Variants in CCSER1 observed in about 807,000 individuals in gnomAD.
CCSER1 encodes serine-rich coiled-coil domain-containing protein 1.
A neutral mutation model predicts 82.0 loss-of-function variants in CCSER1; 41 were observed. That is an observed-to-expected ratio of 0.50 (90% CI 0.39 to 0.65). CCSER1 has a LOEUF of 0.65. Ranked by LOEUF, CCSER1 falls within the 30% of genes least tolerant of loss-of-function variation. The probability of loss-of-function intolerance (pLI) is 0.00; values close to 1 mark genes in which losing one functional copy is unlikely to be tolerated. For missense variants in CCSER1, 1,119 were observed against 1,064.2 expected (o/e 1.05, Z -0.72); for synonymous variants, 414 against 383.9 (o/e 1.08, Z -0.92).
intron 10 of CCSER1, among the ~76,000 whole-genome samples, chr4:91,171,129 A>G (rs1023069330): frequency 6.6e-6 from 1 of 152,224 alleles, no homozygotes; most frequent in Non-Finnish European, 1.5e-5. Context: ...AGTAATCAGT[A>G]TAATAACATT....
intron 9 of CCSER1, among the ~76,000 whole-genome samples, chr4:91,039,730 AT>A (rs1554059955): frequency 6.6e-6 from 1 of 151,796 alleles, no homozygotes; most frequent in East Asian, 1.9e-4. Flanking sequence ...TCTGTAAAAA[AT>A]TTTTTAATGT....
At chr4:90,391,504 A>ATATATATAT (rs1751126399) in intron 3 of CCSER1, among the ~76,000 whole-genome samples, 2 of 79,416 alleles carry the variant, frequency 2.5e-5, no homozygotes, top group African/African-American at 4.8e-5. Flanking sequence ...ACAGTGGGTA[A>ATATATATAT]ATATATATAT....
chr4:91,411,511 TATATATATATATATAA>T (rs1247047222), intron 10 of CCSER1, among the ~76,000 whole-genome samples: 9 of 69,956 alleles, frequency 1.3e-4, no homozygotes, highest in African/African-American at 4.1e-4. Flanking sequence ...TATATATATA[TATATATATATATATAA>T]AATCTTGACT....
At position 90,661,867 on chromosome 4, in the gene CCSER1, A is replaced by T. The variant is rs114223269; in HGVS notation, c.1932+33635A>T. Among the ~76,000 whole-genome samples the T allele has an allele frequency of 7.0e-3, 1,065 of 152,204 alleles. 15 individuals are homozygous for T. The highest frequency in any genetic ancestry group is 0.024 in the African/African-American group (1,006 of 41,532). On this transcript the variant is annotated intron_variant, in intron 6 of 10. Coordinates refer to ENST00000509176, the MANE Select transcript of CCSER1 (RefSeq NM_001145065.2). ...AGAAAATGTGCTACCTTGTTGAGTA[A>T]ATTGAAAAAGGCAGGCATTACTTCC...
At chr4:90,965,999 A>G (rs187220014) in intron 9 of CCSER1, among the ~76,000 whole-genome samples, 116 of 152,238 alleles carry the variant, frequency 7.6e-4, no homozygotes, top group African/African-American at 2.7e-3. Flanking sequence ...ACTCAACAGT[A>G]TATTTGAGCA....
Position 91,434,645 on chromosome 4 carries a change from C to A in CCSER1, c.2218-163927C>A, listed in dbSNP as rs184733315. ...CCATAACTGGTATGAAGATTGATGG[C>A]AGTTTTTTCTGTTTTATCTATTTTA... is the stretch of plus-strand genomic sequence containing the variant. On this transcript the variant is annotated intron_variant, in intron 10 of 10. Transcript: ENST00000509176. Among the ~76,000 whole-genome samples the A allele has an allele frequency of 4.6e-5, 7 of 152,226 alleles. No homozygotes were observed. In the East Asian group the frequency reaches 1.4e-3, roughly 29 times the overall value.
chr4:91,371,123 A>C (rs1460476393), intron 10 of CCSER1, among the ~76,000 whole-genome samples: 1 of 152,140 alleles, frequency 6.6e-6, no homozygotes, highest in African/African-American at 2.4e-5. Flanking sequence ...TTGGCCTCCC[A>C]AAGTGCTGGG....
chr4:91,459,967 A>G (rs925249535), intron 10 of CCSER1, among the ~76,000 whole-genome samples: 1 of 152,150 alleles, frequency 6.6e-6, no homozygotes, highest in African/African-American at 2.4e-5. Context: ...AGATAGAAAT[A>G]TCATAGCAAC....
chr4:90,733,617 G>A (rs1373003473), intron 7 of CCSER1, among the ~76,000 whole-genome samples: 2 of 152,134 alleles, frequency 1.3e-5, no homozygotes, highest in African/African-American at 2.4e-5. Flanking sequence ...TGGTCCTGGA[G>A]AGTTTCCCTA....
intron 5 of CCSER1, among the ~76,000 whole-genome samples, chr4:90,562,696 C>T (rs914442627): frequency 3.3e-5 from 5 of 151,858 alleles, no homozygotes; most frequent in African/African-American, 7.3e-5. Context: ...TGCCACCACA[C>T]CCAGCTAATT....
At chr4:91,398,796 C>G (rs1408974662) in intron 10 of CCSER1, among the ~76,000 whole-genome samples, 2 of 151,540 alleles carry the variant, frequency 1.3e-5, no homozygotes, top group African/African-American at 2.4e-5. Flanking sequence ...AAAAAAAAGT[C>G]AGCTGATCTA....
Position 90,312,356 on chromosome 4 carries a change from T to A in CCSER1, c.1325-507T>A, listed in dbSNP as rs143510991. On this transcript the variant is annotated intron_variant, in intron 2 of 10. Coordinates refer to ENST00000509176, the MANE Select transcript of CCSER1 (RefSeq NM_001145065.2). ...GAGAGCAGTCATATGGGTCATATTATGAAGAATTTGTTATGCCATTTGAAA... is the reference window on the plus strand; with the variant it reads ...GAGAGCAGTCATATGGGTCATATTAAGAAGAATTTGTTATGCCATTTGAAA... Among the ~76,000 whole-genome samples, 697 of 152,258 alleles carry A rather than the reference T, an allele frequency of 4.6e-3. 11 individuals carry two copies. Among genetic ancestry groups the A allele is most frequent in the African/African-American group, 0.016 (675 of 41,550 alleles).
In CCSER1 at chr4:90,579,259, A is replaced by G. The variant is rs560150691; in HGVS notation, c.1725-48766A>G. Among the ~76,000 whole-genome samples, 37 of 152,264 alleles carry G rather than the reference A, an allele frequency of 2.4e-4. No individual in the cohort carries two copies. The Middle Eastern group carries it at 0.01, about 42-fold the overall frequency. ...TTTCAAGGGCTTTGTTTGATTGTGTATAATGCAGGTCTAGCAGCTCTACTA... is the reference window on the plus strand; with the variant it reads ...TTTCAAGGGCTTTGTTTGATTGTGTGTAATGCAGGTCTAGCAGCTCTACTA... On this transcript the variant is annotated intron_variant, in intron 5 of 10. Transcript: ENST00000509176.
intron 1 of CCSER1, among the ~76,000 whole-genome samples, chr4:90,171,686 C>T (rs1420259814): frequency 6.6e-6 from 1 of 151,828 alleles, no homozygotes; most frequent in Non-Finnish European, 1.5e-5. Flanking sequence ...CTTTACTTAG[C>T]AGCACAATGA....
chr4:91,507,107 T>A (rs1759536574), intron 10 of CCSER1, among the ~76,000 whole-genome samples: 1 of 152,210 alleles, frequency 6.6e-6, no homozygotes, highest in Admixed American at 6.5e-5. Flanking sequence ...TGTACACATT[T>A]TTGTGTGGAT....
At chr4:90,262,943 G>A (rs1428415335) in intron 1 of CCSER1, among the ~76,000 whole-genome samples, 2 of 152,104 alleles carry the variant, frequency 1.3e-5, no homozygotes, top group Non-Finnish European at 2.9e-5. Flanking sequence ...TTCCAGGAAG[G>A]CTGTCTATAG....
At chr4:90,181,908 G>A (rs1357717165) in intron 1 of CCSER1, among the ~76,000 whole-genome samples, 1 of 152,094 alleles carries the variant, frequency 6.6e-6, no homozygotes, top group Non-Finnish European at 1.5e-5. Flanking sequence ...AAGTCATTTG[G>A]TAAACATCTA....
chr4:90,755,425 A>G lies in CCSER1; in HGVS notation c.2010+31434A>G, dbSNP rs991770937. Among the ~76,000 whole-genome samples the G allele has an allele frequency of 3.3e-5, 5 of 152,126 alleles. No individual in the cohort carries two copies. The South Asian group carries it at 6.2e-4, about 19-fold the overall frequency. On this transcript the variant is annotated intron_variant, in intron 7 of 10. Coordinates refer to ENST00000509176, the MANE Select transcript of CCSER1 (RefSeq NM_001145065.2). ...TCCCATCTAGCAGTGTCTTTTAACC[A>G]ATAGTTAGTCAGTAAATACTTGCTA...
chr4:91,233,703 G>C (rs1227828704), intron 10 of CCSER1, among the ~76,000 whole-genome samples: 7 of 151,640 alleles, frequency 4.6e-5, no homozygotes, highest in Admixed American at 3.9e-4. Context: ...CTAAACAAAG[G>C]AAAAATTAGA....
Sources: gnomAD v4.1 joint callset for allele counts (sites outside exome capture counted in the v4.1 genomes callset) on GRCh38, gnomAD v4.1.1 for gene constraint, MANE v1.5 for transcripts, NCBI Gene and HGNC (gene_info 2026-07-23, HGNC 2026-07-21) for gene names.